The following SEMA3A variants were observed in gnomAD, a reference collection of about 807,000 sequenced individuals.
SEMA3A encodes semaphorin-3A.
In SEMA3A, 29 loss-of-function variants were observed where a neutral mutation model predicts 97.9. The observed-to-expected ratio is 0.30, with a 90% CI of 0.22 to 0.40. The LOEUF is 0.40. Among genes scored for constraint, SEMA3A ranks in the 10% least tolerant of loss-of-function variants. The pLI, the probability that SEMA3A is intolerant of heterozygous loss-of-function variation, is 1.00. For missense variants in SEMA3A, 763 were observed against 951.3 expected, an observed-to-expected ratio of 0.80 and a Z score of 2.60; for synonymous variants, 321 against 323.7, an observed-to-expected ratio of 0.99 and a Z score of 0.09.
intron 1 of SEMA3A, among the ~76,000 whole-genome samples, chr7:84,189,829 C>A: frequency 6.6e-6 from 1 of 150,948 alleles, no homozygotes; most frequent in Non-Finnish European, 1.5e-5. Flanking sequence ...ATAATTGACC[C>A]CAAATTATAA....
intron 3 of SEMA3A, among the ~76,000 whole-genome samples, chr7:84,295,589 A>T (rs1800848455): frequency 6.6e-6 from 1 of 152,024 alleles, no homozygotes; most frequent in Non-Finnish European, 1.5e-5. Context: ...TTTCGTCCTT[A>T]TACTTAAATA....
chr7:84,428,931 A>C (rs933295846), intron 1 of SEMA3A, among the ~76,000 whole-genome samples: 1 of 152,066 alleles, frequency 6.6e-6, no homozygotes, highest in East Asian at 1.9e-4. Flanking sequence ...GGGAATCAAA[A>C]ATCTCTATAA....
At chr7:84,444,875 A>T (rs1805368513) in intron 1 of SEMA3A, among the ~76,000 whole-genome samples, 1 of 151,956 alleles carries the variant, frequency 6.6e-6, no homozygotes, top group Admixed American at 6.6e-5. Context: ...TAAACTGCTC[A>T]TTTCCTGGGG....
At chr7:84,052,707 T>C (rs934565745) in intron 5 of SEMA3A, among the ~76,000 whole-genome samples, 20 of 151,916 alleles carry the variant, frequency 1.3e-4, no homozygotes, top group African/African-American at 2.9e-4. Flanking sequence ...TGTGTCTCTA[T>C]TTCCTTCAGT....
chr7:83,981,536 C>T lies in SEMA3A; in HGVS notation c.1495-58G>A. On this transcript the variant is annotated intron_variant, in intron 13 of 16. Transcript: ENST00000265362. Reference sequence around the variant, plus strand: ...TATCTTGTCTTTTAAATCTCTTGTTCTCTTAAAAAAGAGTTTATTTATATA... The same window carrying T: ...TATCTTGTCTTTTAAATCTCTTGTTTTCTTAAAAAAGAGTTTATTTATATA... 29 of 1,364,790 alleles carry T rather than the reference C, an allele frequency of 2.1e-5. No homozygotes were observed. The South Asian group carries it at 4.1e-4, about 19-fold the overall frequency. 84.5% of individuals were successfully genotyped at this position (1,364,790 alleles called of 1,614,324 possible). A position where few individuals can be genotyped will look rare whatever the true frequency, so the allele number is the denominator to read the frequency against.
At chr7:84,281,855 G>C (rs1800446733) in intron 3 of SEMA3A, among the ~76,000 whole-genome samples, 1 of 152,114 alleles carries the variant, frequency 6.6e-6, no homozygotes. Flanking sequence ...GCAATACTTG[G>C]TTGGCATAGC....
chr7:84,039,416 GCC>G (rs1229524390), intron 6 of SEMA3A, among the ~76,000 whole-genome samples: 2 of 152,086 alleles, frequency 1.3e-5, no homozygotes, highest in Non-Finnish European at 2.9e-5. Flanking sequence ...TGGATGTTAG[GCC>G]CTGTGATAAC....
intron 1 of SEMA3A, among the ~76,000 whole-genome samples, chr7:84,403,857 C>G (rs1263856681): frequency 6.6e-6 from 1 of 152,138 alleles, no homozygotes; most frequent in Non-Finnish European, 1.5e-5. Context: ...GGAAAACTAA[C>G]AAACAGAAAG....
intron 2 of SEMA3A, among the ~76,000 whole-genome samples, chr7:84,346,551 C>T (rs1446388142): frequency 2.0e-5 from 3 of 152,110 alleles, no homozygotes; most frequent in Non-Finnish European, 4.4e-5. Context: ...TGTTGTGTCT[C>T]AGGGAATAAG....
chr7:84,433,494 C>A (rs964962403), intron 1 of SEMA3A, among the ~76,000 whole-genome samples: 2 of 151,966 alleles, frequency 1.3e-5, no homozygotes, highest in South Asian at 4.1e-4. Context: ...CATTTGGGTT[C>A]GTTCCAAGTC....
intron 1 of SEMA3A, among the ~76,000 whole-genome samples, chr7:84,459,306 A>G (rs1805765045): frequency 6.6e-6 from 1 of 152,188 alleles, no homozygotes; most frequent in Admixed American, 6.5e-5. Context: ...ATTAAAAGTA[A>G]ATTCACACTA....
intron 1 of SEMA3A, among the ~76,000 whole-genome samples, chr7:84,410,918 A>G (rs1428303053): frequency 2.0e-5 from 3 of 152,148 alleles, no homozygotes; most frequent in South Asian, 2.1e-4. Context: ...AGTGACAACT[A>G]TTAGATAGAA....
intron 6 of SEMA3A, among the ~76,000 whole-genome samples, chr7:84,025,314 G>A (rs1791508046): frequency 6.6e-6 from 1 of 152,148 alleles, no homozygotes; most frequent in Admixed American, 6.5e-5. Flanking sequence ...AATTGGTAAT[G>A]GGGAATAATT....
chr7:84,215,163 G>A (rs1043518963), intron 3 of SEMA3A, among the ~76,000 whole-genome samples: 3 of 151,284 alleles, frequency 2.0e-5, no homozygotes, highest in Admixed American at 6.6e-5. Context: ...GAGCCACCGC[G>A]CCTGGCCCTT....
At chr7:84,299,781 A>G (rs1470592784) in intron 3 of SEMA3A, among the ~76,000 whole-genome samples, 2 of 13,064 alleles carry the variant, frequency 1.5e-4, no homozygotes, top group Non-Finnish European at 3.2e-4. Context: ...TTAAAAACAA[A>G]CAAGCAAACA....
At chr7:84,241,290 T>TCAC (rs747328982) in intron 3 of SEMA3A, among the ~76,000 whole-genome samples, 67 of 152,300 alleles carry the variant, frequency 4.4e-4, no homozygotes, top group Non-Finnish European at 8.5e-4. Context: ...TTTTTAATAA[T>TCAC]CACCATTCTA....
chr7:84,491,569 T>C (rs1806736252), intron 1 of SEMA3A, among the ~76,000 whole-genome samples: 1 of 152,138 alleles, frequency 6.6e-6, no homozygotes, highest in South Asian at 2.1e-4. Flanking sequence ...ACATTCCACC[T>C]GAAAGTCCAC....
chr7:84,031,628 G>A (rs1179833760), intron 6 of SEMA3A, among the ~76,000 whole-genome samples: 1 of 152,078 alleles, frequency 6.6e-6, no homozygotes, highest in East Asian at 1.9e-4. Flanking sequence ...GAGGTTGGGA[G>A]TTCGAGACTA....
At chr7:84,039,384 C>T (rs1792052212) in intron 6 of SEMA3A, among the ~76,000 whole-genome samples, 2 of 152,060 alleles carry the variant, frequency 1.3e-5, no homozygotes. Flanking sequence ...TTTCTTATTT[C>T]ATATATCGTA....
Sources: gnomAD v4.1 joint callset for allele counts (sites outside exome capture counted in the v4.1 genomes callset) on GRCh38, gnomAD v4.1.1 for gene constraint, MANE v1.5 for transcripts, NCBI Gene and HGNC (gene_info 2026-07-23, HGNC 2026-07-21) for gene names.